Variants in NFKB2 observed in about 807,000 individuals in gnomAD.
NFKB2 encodes the protein nuclear factor kappa B subunit 2.
NFKB2 carries 21 observed loss-of-function variants against 109.3 expected under a neutral mutation model. The ratio of observed to expected loss-of-function variants is 0.19; its 90% CI spans 0.14 to 0.28. NFKB2 has a LOEUF of 0.28. NFKB2 is among the 10% of genes least tolerant of loss of function. The pLI is 1.00. For missense variants in NFKB2, 806 were observed against 1,185.3 expected, an observed-to-expected ratio of 0.68 and a Z score of 4.70; for synonymous variants, 478 against 489.9, an observed-to-expected ratio of 0.98 and a Z score of 0.32.
Position 102,401,247 on chromosome 10 carries a change from C to G in NFKB2, c.2139C>G (p.Ser713Arg), listed in dbSNP as rs371867635. The change falls in exon 19 of 23, where the codon AGC (serine) becomes AGG (arginine). Residue 713 changes from serine (S) to arginine (R), a missense_variant. Ser to Arg is a moderately radical substitution (Grantham distance 110). Transcript: ENST00000661543. The surrounding 1 kb of genome is among the most constrained non-coding windows in gnomAD (Gnocchi z 4.2). ...CPLPSPPTSDSDSDSEGPEKD... is the reference protein window; with the variant it reads ...CPLPSPPTSDRDSDSEGPEKD... ...TGCCTTCACCCCCTACCTCTGATAG[C>G]GACTCGGACTCTGAAGGGCCTGAGA... 1 of 1,611,568 alleles carries G rather than the reference C, an allele frequency of 6.2e-7. No individual in the cohort carries two copies. Among genetic ancestry groups the G allele is most frequent in the Admixed American group, 1.7e-5 (1 of 59,710 alleles).
Position 102,398,193 on chromosome 10 carries a change from G to C in NFKB2, c.767-19G>C. On this transcript the variant is annotated intron_variant, in intron 9 of 22. Transcript: ENST00000661543. This position sits in a 1 kb window ranked among gnomAD's most constrained non-coding sequence, Gnocchi z 6.6. ...AGATTCCACCGGGAGCTGTGGCCAAGCTTCCGTTTTCCTTGTAGATGACAT... is the reference window on the plus strand; with the variant it reads ...AGATTCCACCGGGAGCTGTGGCCAACCTTCCGTTTTCCTTGTAGATGACAT... 1 of 1,614,128 alleles carries C rather than the reference G, an allele frequency of 6.2e-7. No individual in the cohort carries two copies. Among genetic ancestry groups the C allele is most frequent in the Non-Finnish European group, 8.5e-7 (1 of 1,179,976 alleles).
Position 102,400,878 on chromosome 10 carries a change from G to C in NFKB2, c.1968+54G>C, listed in dbSNP as rs1211527122. 2.5e-6 allele frequency: 4 copies of C among 1,578,976 alleles called. No individual in the cohort carries two copies. In the Admixed American group the frequency reaches 7.4e-5, roughly 29 times the overall value. Reference sequence around the variant, plus strand: ...GGCCAAGGGTGGTGGAGGGGCCAAAGATGGTGAAGGGGGGGGCTGGCCAAG... The same window carrying C: ...GGCCAAGGGTGGTGGAGGGGCCAAACATGGTGAAGGGGGGGGCTGGCCAAG... On this transcript the variant is annotated intron_variant, in intron 17 of 22. Transcript: ENST00000661543. This position sits in a 1 kb window ranked among gnomAD's most constrained non-coding sequence, Gnocchi z 6.3.
Position 102,398,241 on chromosome 10 carries a change from G to T in NFKB2, c.796G>T (p.Asp266Tyr), listed in dbSNP as rs1302384562. 1 of 1,614,170 alleles carries T rather than the reference G, an allele frequency of 6.2e-7. No individual in the cohort carries two copies. The highest frequency in any genetic ancestry group is 8.5e-7 in the Non-Finnish European group (1 of 1,180,034). ...CATTGAGGTTCGGTTCTATGAGGAT[G>T]ATGAGAATGGATGGCAGGCCTTTGG... Reference protein sequence around the residue: ...DDIEVRFYEDDENGWQAFGDF... With the variant: ...DDIEVRFYEDYENGWQAFGDF... The change falls in exon 10 of 23, where the codon GAT (aspartate) becomes TAT (tyrosine). Residue 266 changes from aspartate (D) to tyrosine (Y), a missense_variant. Transcript: ENST00000661543. This position sits in a 1 kb window ranked among gnomAD's most constrained non-coding sequence, Gnocchi z 6.6.
chr10:102,402,361 G>T lies in NFKB2; in HGVS notation c.2688G>T (p.Gln896His). 6.4e-7 allele frequency: 1 copy of T among 1,553,758 alleles called. No individual in the cohort carries two copies. The highest frequency in any genetic ancestry group is 8.7e-7 in the Non-Finnish European group (1 of 1,151,350). The change falls in exon 23 of 23, where the codon CAG becomes CAT. Residue 896 changes from glutamine (Q) to histidine (H), a missense_variant. This residue lies in a region of NFKB2 where 211 missense variants were observed against 268.7 expected (regional missense o/e 0.79). Transcript: ENST00000661543. ...GAGGGCTCTGCCACGGGCACCCCCA[G>T]CCTCAGGTGCACTGACCTGCTGCCT... ...PPGGLCHGHP[Q>H]PQVH
In NFKB2 at chr10:102,402,412, CT is replaced by C; in HGVS notation, c.*37del. On this transcript the variant is annotated 3_prime_UTR_variant, in exon 23 of 23. Transcript: ENST00000661543. ...GCCCCCAGCCCCCTTCCCGGACCCC[CT>C]GTACAGCGTCCCCACCTATTTCAAA... 7.7e-7 allele frequency: 1 copy of C among 1,291,196 alleles called. No individual in the cohort carries two copies. Among genetic ancestry groups the C allele is most frequent in the Non-Finnish European group, 1.1e-6 (1 of 930,840 alleles). The allele number at this position is 1,291,196 out of a possible 1,614,324, so 80.0% of individuals were successfully genotyped here.
rs2061242913 is a variant in NFKB2, at chr10:102,401,388, C to G, written c.2223+57C>G. On this transcript the variant is annotated intron_variant, in intron 19 of 22. Coordinates refer to ENST00000661543, the MANE Select transcript of NFKB2 (RefSeq NM_001322934.2). This position sits in a 1 kb window ranked among gnomAD's most constrained non-coding sequence, Gnocchi z 4.2. ...AGTGACGGGGTCCAGAGTATCTGGACTTAAAGACACAGGCTTAAGGACGAG... is the reference window on the plus strand; with the variant it reads ...AGTGACGGGGTCCAGAGTATCTGGAGTTAAAGACACAGGCTTAAGGACGAG... The G allele has an allele frequency of 1.9e-6, 3 of 1,613,030 alleles. No homozygotes were observed. In the African/African-American group the frequency reaches 4.0e-5, roughly 22 times the overall value.
intron 14 of NFKB2, 41 bp downstream of exon 14, chr10:102,399,759 G>A (rs2135436263): frequency 2.1e-6 from 3 of 1,441,508 alleles, no homozygotes; most frequent in Admixed American, 2.7e-5. Flanking sequence ...GCGGGGTGGG[G>A]GCAGGAAAGG....
In NFKB2 at chr10:102,398,347, G is replaced by A. The variant is rs750281579; in HGVS notation, c.853-38G>A. ...CGGGCTGGGGGCTAAATTAGGCTAA[G>A]GACTCACTGACACCCTGTGTCTCCC... On this transcript the variant is annotated intron_variant, in intron 10 of 22. Coordinates refer to ENST00000661543, the MANE Select transcript of NFKB2 (RefSeq NM_001322934.2). The surrounding 1 kb of genome is among the most constrained non-coding windows in gnomAD (Gnocchi z 6.6). 20 of 1,613,964 alleles carry A rather than the reference G, an allele frequency of 1.2e-5. No homozygotes were observed. The Admixed American group carries it at 2.5e-4, about 20-fold the overall frequency.
In NFKB2 at chr10:102,398,571, G is replaced by A. The variant is rs754086139; in HGVS notation, c.991+48G>A. 2.5e-6 allele frequency: 4 copies of A among 1,609,722 alleles called. No individual in the cohort carries two copies. The highest frequency in any genetic ancestry group is 3.4e-6 in the Non-Finnish European group (4 of 1,177,278). On this transcript the variant is annotated intron_variant, in intron 11 of 22. Transcript: ENST00000661543. The surrounding 1 kb of genome is among the most constrained non-coding windows in gnomAD (Gnocchi z 6.6). ...AGGGTGCTGGCGGGGGGCCAGGCTG[G>A]GCTAGAAGAAGGTCCCAAGAGCTAG...
rs1210800591 is a variant in NFKB2 at position 102,399,436 on chromosome 10, G to A, written c.1266G>A (p.Glu422=). Residue 422 remains glutamate, a synonymous_variant, in exon 13 of 23, where the codon GAG becomes GAA. Coordinates refer to ENST00000661543, the MANE Select transcript of NFKB2 (RefSeq NM_001322934.2). ...PSRDSGEEAA[E]PSAPSRTPQC... ...GGGACTCCGGGGAGGAAGCCGCGGA[G>A]CCAAGCGCCCCCTCCAGGACCCCCC... 2 of 1,520,430 alleles carry A rather than the reference G, an allele frequency of 1.3e-6. No individual in the cohort carries two copies. Among genetic ancestry groups the A allele is most frequent in the South Asian group, 1.2e-5 (1 of 81,510 alleles). The allele number at this position is 1,520,430 out of a possible 1,614,324, so 94.2% of individuals were successfully genotyped here.
chr10:102,397,699 TTGCCTGGGG>T lies in NFKB2; in HGVS notation c.661+19_661+27del, dbSNP rs1320529014. The T allele has an allele frequency of 6.3e-7, 1 of 1,596,140 alleles. No individual in the cohort carries two copies. Among genetic ancestry groups the T allele is most frequent in the Non-Finnish European group, 8.6e-7 (1 of 1,165,828 alleles). On this transcript the variant is annotated intron_variant, in intron 8 of 22. Transcript: ENST00000661543. The surrounding 1 kb of genome is among the most constrained non-coding windows in gnomAD (Gnocchi z 4.7). ...TCCATGACAGCAGTGAGTATCCTGA[TTGCCTGGGG>T]TGCCAGGCCTGGTGGCAGAGGTGGC...
In NFKB2 at chr10:102,397,835, CG is replaced by C. The variant is rs1267819418; in HGVS notation, c.662-145del. The C allele has an allele frequency of 2.4e-6, 3 of 1,268,256 alleles. No homozygotes were observed. Among genetic ancestry groups the C allele is most frequent in the Middle Eastern group, 2.8e-4 (1 of 3,588 alleles). The allele number at this position is 1,268,256 out of a possible 1,614,324, so 78.6% of individuals were successfully genotyped here. A position where few individuals can be genotyped will look rare whatever the true frequency, so the allele number is the denominator to read the frequency against. ...GATCCTGAGCAAGTCATTTCCCCCC[CG>C]AAGCTTCTGTCTTTAGTAAATGTGT... On this transcript the variant is annotated intron_variant, in intron 8 of 22. Transcript: ENST00000661543. This position sits in a 1 kb window ranked among gnomAD's most constrained non-coding sequence, Gnocchi z 4.7.
At position 102,396,010 on chromosome 10, in the gene NFKB2, C is replaced by T; in HGVS notation, c.21+30C>T. On this transcript the variant is annotated intron_variant, in intron 2 of 22. Transcript: ENST00000661543. This position sits in a 1 kb window ranked among gnomAD's most constrained non-coding sequence, Gnocchi z 5.9. ...GTCATGCCGCCTGCCCCTGACCCGG[C>T]CGGCTGCCCCTCGTGTCTGTCCACC... 4 of 1,611,460 alleles carry T rather than the reference C, an allele frequency of 2.5e-6. No individual in the cohort carries two copies. Among genetic ancestry groups the T allele is most frequent in the Admixed American group, 3.3e-5 (2 of 60,008 alleles).
upstream of NFKB2, among the ~76,000 whole-genome samples, chr10:102,395,202 G>C (rs1206118684): frequency 6.7e-6 from 1 of 149,930 alleles, no homozygotes; most frequent in Non-Finnish European, 1.5e-5. Context: ...TTGGGAGAGA[G>C]AGAAAAGAGC....
Position 102,401,458 on chromosome 10 carries a change from T to C in NFKB2, c.2233T>C (p.Leu745=). Residue 745 remains leucine, a synonymous_variant, in exon 20 of 23, where the codon TTG becomes CTG. Transcript: ENST00000661543. The surrounding 1 kb of genome is among the most constrained non-coding windows in gnomAD (Gnocchi z 4.2). ...DLTCSTKVKT[L]LLNAAQNTME... ...GCGGCTGTCTCCCCAGGTGAAGACC[T>C]TGCTGCTAAATGCTGCTCAGAACAC... 6.2e-7 allele frequency: 1 copy of C among 1,613,846 alleles called. No individual in the cohort carries two copies. The highest frequency in any genetic ancestry group is 8.5e-7 in the Non-Finnish European group (1 of 1,179,960).
Position 102,398,533 on chromosome 10 carries a change from G to T in NFKB2, c.991+10G>T, listed in dbSNP as rs1267720592. ...TACCCTCTGGTGGAAGGTGGAGCTG[G>T]GCTGAGGACCTCAGGGTGCTGGCGG... On this transcript the variant is annotated intron_variant, in intron 11 of 22. Transcript: ENST00000661543. This position sits in a 1 kb window ranked among gnomAD's most constrained non-coding sequence, Gnocchi z 6.6. 1 of 1,613,110 alleles carries T rather than the reference G, an allele frequency of 6.2e-7. No individual in the cohort carries two copies. Among genetic ancestry groups the T allele is most frequent in the East Asian group, 2.2e-5 (1 of 44,858 alleles).
Position 102,398,872 on chromosome 10 carries a change from G to A in NFKB2, c.1117+8G>A, listed in dbSNP as rs760635620. On this transcript the variant is annotated splice_region_variant and intron_variant, in intron 12 of 22. Coordinates refer to ENST00000661543, the MANE Select transcript of NFKB2 (RefSeq NM_001322934.2). This position sits in a 1 kb window ranked among gnomAD's most constrained non-coding sequence, Gnocchi z 6.6. ...ACGGAGGAGCTGGAGGAGGTGAGGG[G>A]GTACTGATGGAGGGAGGGGTAAAGG... The A allele has an allele frequency of 1.3e-6, 2 of 1,586,036 alleles. No homozygotes were observed.
rs45586935 is a variant in NFKB2, at chr10:102,397,407, G to A, written c.501G>A (p.Thr167=). 3.7e-6 allele frequency: 6 copies of A among 1,611,360 alleles called. No homozygotes were observed. Among genetic ancestry groups the A allele is most frequent in the African/African-American group, 2.7e-5 (2 of 74,410 alleles). The part of the protein sequence containing the change: ...QRLRSRPQGL[T]EAEQRELEQE... Reference sequence around the variant, plus strand: ...TCCGCTCTAGGCCCCAGGGCCTTACGGGTATGGGTGCAGGGGGTGGGTCGG... The same window carrying A: ...TCCGCTCTAGGCCCCAGGGCCTTACAGGTATGGGTGCAGGGGGTGGGTCGG... Residue 167 remains threonine (T), a splice_region_variant and synonymous_variant, in exon 7 of 23, where the codon ACG becomes ACA. Coordinates refer to ENST00000661543, the MANE Select transcript of NFKB2 (RefSeq NM_001322934.2). The surrounding 1 kb of genome is among the most constrained non-coding windows in gnomAD (Gnocchi z 4.7).
rs989281696 is a variant in NFKB2 at position 102,398,868 on chromosome 10, AGG to A, written c.1117+8_1117+9del. On this transcript the variant is annotated splice_donor_5th_base_variant and intron_variant, in intron 12 of 22. Coordinates refer to ENST00000661543, the MANE Select transcript of NFKB2 (RefSeq NM_001322934.2). The surrounding 1 kb of genome is among the most constrained non-coding windows in gnomAD (Gnocchi z 6.6). ...GGCTACGGAGGAGCTGGAGGAGGTG[AGG>A]GGGTACTGATGGAGGGAGGGGTAAA... The A allele has an allele frequency of 6.3e-7, 1 of 1,587,996 alleles. No homozygotes were observed.
Sources: gnomAD v4.1 joint callset for allele counts (sites outside exome capture counted in the v4.1 genomes callset) on GRCh38, gnomAD v4.1.1 for gene constraint, gnomAD v4.1.1 regional missense constraint, Gnocchi (gnomAD v3.1) non-coding constraint, MANE v1.5 for transcripts, NCBI Gene and HGNC (gene_info 2026-07-23, HGNC 2026-07-21) for gene names.